Variants in LRP1B observed in about 807,000 individuals in gnomAD.
LRP1B encodes low-density lipoprotein receptor-related protein 1B.
Under a neutral mutation model 556.6 loss-of-function variants are expected in LRP1B, and 217 were observed. The ratio of observed to expected loss-of-function variants is 0.39; its 90% CI spans 0.35 to 0.44. The LOEUF is 0.44. Ranked by LOEUF, LRP1B falls within the 20% of genes least tolerant of loss-of-function variation. The pLI, the probability that LRP1B is intolerant of heterozygous loss-of-function variation, is 1.00. For missense variants in LRP1B, 5,053 were observed against 5,620.8 expected (o/e 0.90, Z 3.23); for synonymous variants, 2,047 against 1,865.8 (o/e 1.10, Z -2.50).
chr2:140,623,397 G>T (rs1296722890), intron 41 of LRP1B, among the ~76,000 whole-genome samples: 2 of 151,584 alleles, frequency 1.3e-5, no homozygotes, highest in Non-Finnish European at 2.9e-5. Context: ...GTTTAAAAAA[G>T]ATATAATTTT....
At chr2:141,252,685 C>T (rs919352820) in intron 4 of LRP1B, among the ~76,000 whole-genome samples, 1 of 152,128 alleles carries the variant, frequency 6.6e-6, no homozygotes, top group African/African-American at 2.4e-5. Flanking sequence ...TATCTCTTTT[C>T]TTCTTTCTAC....
chr2:140,913,962 A>G (rs775207198), intron 21 of LRP1B, among the ~76,000 whole-genome samples: 5 of 152,134 alleles, frequency 3.3e-5, no homozygotes, highest in Non-Finnish European at 7.4e-5. Flanking sequence ...AAAAGCAGGA[A>G]AGAATGGGAC....
chr2:141,242,052 T>C (rs1341353053), intron 5 of LRP1B, among the ~76,000 whole-genome samples: 1 of 152,172 alleles, frequency 6.6e-6, no homozygotes, highest in African/African-American at 2.4e-5. Context: ...TCATAAGTTG[T>C]TAAAATTATT....
At chr2:140,619,141 C>T (rs866891654) in intron 41 of LRP1B, among the ~76,000 whole-genome samples, 5 of 151,360 alleles carry the variant, frequency 3.3e-5, no homozygotes, top group Non-Finnish European at 5.9e-5. Context: ...GAGATGACTG[C>T]TGTTTCTGTC....
At chr2:142,011,647 A>C (rs1440996239) in intron 1 of LRP1B, among the ~76,000 whole-genome samples, 1 of 152,180 alleles carries the variant, frequency 6.6e-6, no homozygotes, top group Non-Finnish European at 1.5e-5. Flanking sequence ...CATTGTAATC[A>C]ATACTTTTAA....
intron 82 of LRP1B, among the ~76,000 whole-genome samples, chr2:140,319,197 T>C (rs1679950463): frequency 6.6e-6 from 1 of 152,090 alleles, no homozygotes; most frequent in Admixed American, 6.6e-5. Flanking sequence ...AACATGGGAT[T>C]ACACAGAAGA....
intron 2 of LRP1B, among the ~76,000 whole-genome samples, chr2:141,641,600 G>A (rs1198975664): frequency 6.6e-6 from 1 of 152,150 alleles, no homozygotes; most frequent in East Asian, 1.9e-4. Flanking sequence ...GCAACCAATA[G>A]CAGTTAACTG....
chr2:140,574,292 AAAC>A (rs1304418638), intron 43 of LRP1B, among the ~76,000 whole-genome samples: 1 of 152,156 alleles, frequency 6.6e-6, no homozygotes, highest in East Asian at 1.9e-4. Flanking sequence ...ATGCTTGAAG[AAAC>A]AACATTATAT....
At chr2:140,416,411 T>C (rs1357285194) in intron 66 of LRP1B, among the ~76,000 whole-genome samples, 1 of 152,066 alleles carries the variant, frequency 6.6e-6, no homozygotes, top group Non-Finnish European at 1.5e-5. Context: ...ATCCCAGCAC[T>C]TGGGGAGGCT....
At chr2:140,385,496 C>T (rs539428921) in intron 67 of LRP1B, among the ~76,000 whole-genome samples, 7 of 151,970 alleles carry the variant, frequency 4.6e-5, no homozygotes, top group East Asian at 1.9e-4. Context: ...TGCTCATGGG[C>T]GAATTTATAG....
At chr2:141,041,185 G>C (rs1342179539) in intron 11 of LRP1B, among the ~76,000 whole-genome samples, 2 of 152,058 alleles carry the variant, frequency 1.3e-5, no homozygotes, top group Non-Finnish European at 2.9e-5. Context: ...CAATCAAATA[G>C]AACACACCTT....
At chr2:141,986,995 T>C (rs1702209525) in intron 1 of LRP1B, among the ~76,000 whole-genome samples, 1 of 152,016 alleles carries the variant, frequency 6.6e-6, no homozygotes, top group African/African-American at 2.4e-5. Context: ...TTTCTATTTC[T>C]TTACCTATAA....
chr2:140,849,371 CA>C (rs1288492056), intron 29 of LRP1B, among the ~76,000 whole-genome samples: 4 of 107,920 alleles, frequency 3.7e-5, no homozygotes, highest in Admixed American at 1.0e-4. Flanking sequence ...GACTCTGTCT[CA>C]AAAAAAAAAC....
At chr2:141,616,758 C>T (rs570006294) in intron 2 of LRP1B, among the ~76,000 whole-genome samples, 7 of 152,314 alleles carry the variant, frequency 4.6e-5, no homozygotes, top group South Asian at 2.1e-4. Flanking sequence ...CTTCTAGTTT[C>T]GTATGTTACT....
rs1422217363 is a variant in LRP1B, at chr2:140,716,636, A to G, written c.5893+46T>C. On this transcript the variant is annotated intron_variant, in intron 36 of 90. Transcript: ENST00000389484. ...TTTTTATGAAGCAGTTTGAGCCCCT[A>G]ACAAAATAGGTGTGAAACAGAAAGA... 5.8e-6 allele frequency: 9 copies of G among 1,545,194 alleles called. No homozygotes were observed. The Admixed American group carries it at 6.2e-5, about 11-fold the overall frequency.
chr2:141,500,221 C>A (rs1369329311), intron 2 of LRP1B, among the ~76,000 whole-genome samples: 2 of 152,056 alleles, frequency 1.3e-5, no homozygotes, highest in Non-Finnish European at 2.9e-5. Flanking sequence ...ATTTACCTTC[C>A]CACAATTTAC....
intron 1 of LRP1B, among the ~76,000 whole-genome samples, chr2:141,973,162 T>C (rs1293237676): frequency 2.6e-5 from 4 of 151,658 alleles, no homozygotes; most frequent in African/African-American, 9.7e-5. Context: ...GAACAATTGT[T>C]AAAAGAATCT....
At chr2:142,104,210 G>A (rs144444542) in intron 1 of LRP1B, among the ~76,000 whole-genome samples, 1,904 of 152,144 alleles carry the variant, frequency 0.013, 89 homozygotes, top group Admixed American at 0.085. Context: ...CACTTCAAGG[G>A]GAACTGGAAG....
chr2:140,342,278 A>G (rs1476555793), intron 77 of LRP1B, among the ~76,000 whole-genome samples: 1 of 151,368 alleles, frequency 6.6e-6, no homozygotes, highest in African/African-American at 2.4e-5. Context: ...TTAAACTTTC[A>G]AGGAAAACCA....
Sources: allele counts gnomAD v4.1 joint callset (sites outside exome capture counted in the v4.1 genomes callset), GRCh38; gene constraint gnomAD v4.1.1; transcripts MANE v1.5; gene names NCBI Gene and HGNC (gene_info 2026-07-23, HGNC 2026-07-21).